MID1: variants seen among roughly 807,000 people sequenced by gnomAD.
MID1 encodes the protein E3 ubiquitin-protein ligase Midline-1.
MID1 carries 7 observed loss-of-function variants against 40.4 expected under a neutral mutation model. The observed-to-expected ratio is 0.17, with a 90% confidence interval of 0.10 to 0.33. The LOEUF (loss-of-function observed/expected upper bound fraction) is 0.33. Ranked by LOEUF, MID1 falls within the 10% of genes least tolerant of loss-of-function variation. The pLI is 1.00. For synonymous variants in MID1, 229 were observed against 221.2 expected, an observed-to-expected ratio of 1.04 and a Z score of -0.31; for missense variants, 367 against 558.5, an observed-to-expected ratio of 0.66 and a Z score of 3.46.
rs374499028 is a variant in MID1 at position 10,569,717 on chromosome X, G to C, written c.-56-2114C>G. On this transcript the variant is annotated intron_variant, in intron 1 of 9. Coordinates refer to ENST00000317552, the MANE Select transcript of MID1 (RefSeq NM_000381.4). Reference sequence around the variant, plus strand: ...GACTATATTTTTAATGCAGGTGCCAGGATTCCATCCCAGAGAGGTGTGATG... The same window carrying C: ...GACTATATTTTTAATGCAGGTGCCACGATTCCATCCCAGAGAGGTGTGATG... 3.0e-4 allele frequency among the ~76,000 whole-genome samples: 34 copies of C among 111,516 alleles called. 1 individual carries two copies. Among genetic ancestry groups the C allele is most frequent in the African/African-American group, 1.0e-3 (32 of 30,633 alleles).
intron 1 of MID1, among the ~76,000 whole-genome samples, chrX:10,714,145 A>G (rs2043286047): frequency 8.9e-6 from 1 of 112,395 alleles, no homozygotes; most frequent in African/African-American, 3.2e-5. Context: ...TCCCTCTTAC[A>G]GGCTCCATAG....
intron 1 of MID1, among the ~76,000 whole-genome samples, chrX:10,653,021 A>C (rs974044719): frequency 9.0e-6 from 1 of 111,627 alleles, no homozygotes; most frequent in Non-Finnish European, 1.9e-5. Context: ...ATCTCCCTCC[A>C]TTAGAATATA....
chrX:10,595,066 C>T (rs904791356), intron 1 of MID1, among the ~76,000 whole-genome samples: 1 of 111,507 alleles, frequency 9.0e-6, no homozygotes, highest in Non-Finnish European at 1.9e-5. Flanking sequence ...TACCCAATCC[C>T]TAAATAGTGG....
intron 1 of MID1, among the ~76,000 whole-genome samples, chrX:10,788,322 GAATGACTT>G (rs919372427): frequency 2.7e-5 from 3 of 111,871 alleles, no homozygotes. Context: ...ACCAGTGAGA[GAATGACTT>G]AAGTTTCCTT....
upstream of MID1, among the ~76,000 whole-genome samples, chrX:10,624,918 C>T (rs1169917253): frequency 8.9e-6 from 1 of 112,116 alleles, no homozygotes; most frequent in Non-Finnish European, 1.9e-5. Context: ...TTATATCCTC[C>T]TCCTGTGGTC....
At chrX:10,727,149 T>G (rs2043398443) in intron 1 of MID1, among the ~76,000 whole-genome samples, 1 of 112,456 alleles carries the variant, frequency 8.9e-6, no homozygotes. Context: ...AGTTTCACTC[T>G]TGTTGCCCAG....
At chrX:10,695,093 G>T (rs185833364) in intron 1 of MID1, among the ~76,000 whole-genome samples, 59 of 111,945 alleles carry the variant, frequency 5.3e-4, no homozygotes, top group African/African-American at 1.8e-3. Flanking sequence ...AATTACTCCT[G>T]TAATTAACAT....
At chrX:10,460,297 GA>G (rs1174762022) in intron 7 of MID1, among the ~76,000 whole-genome samples, 1 of 111,437 alleles carries the variant, frequency 9.0e-6, no homozygotes, top group Non-Finnish European at 1.9e-5. Flanking sequence ...GCCAGTGCAG[GA>G]GTGAACCAAG....
At chrX:10,553,260 G>T (rs897692227) in intron 2 of MID1, among the ~76,000 whole-genome samples, 1 of 97,566 alleles carries the variant, frequency 1.0e-5, no homozygotes, top group Admixed American at 1.1e-4. Flanking sequence ...AAAAAAAAAA[G>T]AAATAAAAAA....
chrX:10,722,171 A>G (rs1193172424), intron 1 of MID1, among the ~76,000 whole-genome samples: 1 of 111,842 alleles, frequency 8.9e-6, no homozygotes, highest in Non-Finnish European at 1.9e-5. Flanking sequence ...GGGAGACAGG[A>G]GACATAAATT....
chrX:10,612,040 CTTTG>C (rs1008047955), intron 1 of MID1, among the ~76,000 whole-genome samples: 3 of 112,032 alleles, frequency 2.7e-5, no homozygotes, highest in African/African-American at 6.5e-5. Flanking sequence ...TCTTATCACT[CTTTG>C]TTAGTTAAAC....
At chrX:10,462,390 C>G (rs1016245554) in intron 7 of MID1, among the ~76,000 whole-genome samples, 1 of 111,953 alleles carries the variant, frequency 8.9e-6, no homozygotes, top group Admixed American at 9.5e-5. Flanking sequence ...TAACTTCTTG[C>G]ATATGGCACT....
At chrX:10,634,686 G>A (rs894178589) in intron 1 of MID1, among the ~76,000 whole-genome samples, 1 of 112,128 alleles carries the variant, frequency 8.9e-6, no homozygotes, top group Admixed American at 9.5e-5. Flanking sequence ...TTGACGTGCC[G>A]TGTTCAAGAG....
intron 1 of MID1, among the ~76,000 whole-genome samples, chrX:10,732,218 TAA>T (rs1467620925): frequency 9.0e-6 from 1 of 110,720 alleles, no homozygotes; most frequent in African/African-American, 3.3e-5. Flanking sequence ...GCAAGAAAAA[TAA>T]GTGACAAATA....
At chrX:10,591,009 T>C (rs915856917) in intron 1 of MID1, among the ~76,000 whole-genome samples, 1 of 111,026 alleles carries the variant, frequency 9.0e-6, no homozygotes, top group Non-Finnish European at 1.9e-5. Flanking sequence ...ATCCATTGAA[T>C]CAAATTAGAC....
At chrX:10,777,186 A>G (rs915826073) in intron 1 of MID1, among the ~76,000 whole-genome samples, 1 of 111,370 alleles carries the variant, frequency 9.0e-6, no homozygotes, top group Non-Finnish European at 1.9e-5. Flanking sequence ...TTACGTACTT[A>G]TTTTATTTGT....
intron 4 of MID1, among the ~76,000 whole-genome samples, chrX:10,491,084 CTGAT>C (rs1165032705): frequency 8.9e-6 from 1 of 111,960 alleles, no homozygotes; most frequent in South Asian, 3.7e-4. Context: ...AAAACTCCTC[CTGAT>C]TAAGGGCTGG....
intron 9 of MID1, among the ~76,000 whole-genome samples, chrX:10,450,068 T>A (rs911655101): frequency 2.7e-5 from 3 of 112,663 alleles, no homozygotes; most frequent in South Asian, 3.7e-4. Flanking sequence ...CCAAAAGAAC[T>A]TTCTTCAATG....
chrX:10,541,373 T>C (rs1350852305), intron 2 of MID1, among the ~76,000 whole-genome samples: 1 of 110,313 alleles, frequency 9.1e-6, no homozygotes, highest in African/African-American at 3.3e-5. Context: ...TCACAGCTGG[T>C]GACTACAACT....
Sources: gnomAD v4.1 joint callset for allele counts (sites outside exome capture counted in the v4.1 genomes callset) on GRCh38, gnomAD v4.1.1 for gene constraint, MANE v1.5 for transcripts, NCBI Gene and HGNC (gene_info 2026-07-23, HGNC 2026-07-21) for gene names.